The following DPEP2 variants were observed in gnomAD, a reference collection of about 807,000 sequenced individuals.
The protein encoded by DPEP2 is dipeptidase 2.
In DPEP2, 45 loss-of-function variants were observed where a neutral mutation model predicts 51.8. That is an observed-to-expected ratio of 0.87 (90% confidence interval 0.68 to 1.11). DPEP2 has a LOEUF of 1.11. DPEP2 is among the 50% of genes most tolerant of loss of function. The pLI is 0.00. For synonymous variants in DPEP2, 255 were observed against 262.7 expected, an observed-to-expected ratio of 0.97 and a Z score of 0.28; for missense variants, 604 against 631.9, an observed-to-expected ratio of 0.96 and a Z score of 0.47.
intron 1 of DPEP2, among the ~76,000 whole-genome samples, chr16:67,996,212 T>C (rs1244918251): frequency 2.6e-5 from 4 of 151,830 alleles, no homozygotes; most frequent in Middle Eastern, 3.4e-3. Flanking sequence ...ATTTTTTTTT[T>C]TTTTTTTAGA....
chr16:68,000,102 C>T (rs889185214), upstream of DPEP2, among the ~76,000 whole-genome samples: 3 of 152,118 alleles, frequency 2.0e-5, no homozygotes, highest in South Asian at 2.1e-4. Context: ...GATGCTACGT[C>T]CCCCCATAGA....
At chr16:67,989,222 G>A (rs918912911) in intron 9 of DPEP2, 101 bp downstream of exon 9, 28 of 1,269,240 alleles carry the variant, frequency 2.2e-5, no homozygotes, top group African/African-American at 7.4e-5. Flanking sequence ...AACTGATCCC[G>A]GGAGTGTGGT....
In DPEP2 at chr16:67,987,851, C is replaced by T. The variant is rs1317700310; in HGVS notation, c.1206+1G>A. ...CTACTCTCTTGCCCAGCCCAGAGTA[C>T]CTTTTCCACTTGTCTGAAGACCCGC... is the stretch of plus-strand genomic sequence containing the variant. On this transcript the variant is annotated splice_donor_variant, in intron 10 of 10. Coordinates refer to ENST00000393847, the MANE Select transcript of DPEP2 (RefSeq NM_022355.4). LOFTEE classifies it high-confidence loss of function. The T allele has an allele frequency of 6.2e-7, 1 of 1,614,216 alleles. No homozygotes were observed. Among genetic ancestry groups the T allele is most frequent in the Non-Finnish European group, 8.5e-7 (1 of 1,180,030 alleles).
chr16:67,994,942 C>G lies in DPEP2; in HGVS notation c.-45-1685G>C, dbSNP rs2032595032. 3 of 973,446 alleles carry G rather than the reference C, an allele frequency of 3.1e-6. No homozygotes were observed. In the South Asian group the frequency reaches 1.4e-4, roughly 46 times the overall value. The allele number at this position is 973,446 out of a possible 1,614,324, so 60.3% of individuals were successfully genotyped here. On this transcript the variant is annotated intron_variant, in intron 1 of 10. Coordinates refer to ENST00000393847, the MANE Select transcript of DPEP2 (RefSeq NM_022355.4). ...TTGAGACAGAGTCTCACTTTGTTGCCCAGGCTAGAGGGTAGTGGCACAATC... is the reference window on the plus strand; with the variant it reads ...TTGAGACAGAGTCTCACTTTGTTGCGCAGGCTAGAGGGTAGTGGCACAATC...
At position 67,987,883 on chromosome 16, in the gene DPEP2, T is replaced by A. The variant is rs936751524; in HGVS notation, c.1175A>T (p.Asn392Ile). The A allele has an allele frequency of 3.1e-6, 5 of 1,614,096 alleles. No individual in the cohort carries two copies. Among genetic ancestry groups the A allele is most frequent in the Non-Finnish European group, 4.2e-6 (5 of 1,180,024 alleles). ...EEELQGVLRG[N>I]LLRVFRQVEK... ...CACTTGTCTGAAGACCCGCAGCAGG[T>A]TTCCACGAAGGACACCCTGAAGCTC... Residue 392 changes from asparagine to isoleucine, a missense_variant, in exon 10 of 11, where the codon AAC becomes ATC. Transcript: ENST00000393847.
intron 8 of DPEP2, 39 bp from the exon 9 acceptor site, chr16:67,989,437 T>C (rs769700736): frequency 1.2e-5 from 19 of 1,609,524 alleles, no homozygotes; most frequent in Non-Finnish European, 1.5e-5. Context: ...TGCGTAGGGC[T>C]TCCAGGGCAG....
chr16:67,991,893 A>G lies in DPEP2; in HGVS notation c.607T>C (p.Phe203Leu). ...LDNSLSILRT[F>L]YMLGVRYLTL... ...AGGTAGCGCACTCCCAGCATGTAGAAGGTACGTAAGATGGAGAGGCTATTG... is the reference window on the plus strand; with the variant it reads ...AGGTAGCGCACTCCCAGCATGTAGAGGGTACGTAAGATGGAGAGGCTATTG... Residue 203 changes from phenylalanine (F) to leucine (L), a missense_variant, in exon 5 of 11, where the codon TTC becomes CTC. Transcript: ENST00000393847. The surrounding 1 kb of genome is among the most constrained non-coding windows in gnomAD (Gnocchi z 5.1). 1.2e-6 allele frequency: 2 copies of G among 1,614,138 alleles called. No individual in the cohort carries two copies. The highest frequency in any genetic ancestry group is 1.7e-6 in the Non-Finnish European group (2 of 1,180,016).
At chr16:67,994,845 C>G (rs933585011) in intron 1 of DPEP2, 1 of 985,422 alleles carries the variant, frequency 1.0e-6, no homozygotes, top group Non-Finnish European at 1.2e-6. Context: ...GAAGGCAGAT[C>G]GATGGCCGAG....
intron 1 of DPEP2, among the ~76,000 whole-genome samples, chr16:67,998,638 T>A (rs970303003): frequency 1.3e-5 from 2 of 152,236 alleles, no homozygotes; most frequent in Non-Finnish European, 2.9e-5. Context: ...TCCACCTGCA[T>A]CCCTGGTGCG....
rs1168742366 is a variant in DPEP2, at chr16:67,987,475, A to T, written c.*31T>A. 2 of 1,589,806 alleles carry T rather than the reference A, an allele frequency of 1.3e-6. No individual in the cohort carries two copies. The highest frequency in any genetic ancestry group is 2.7e-5 in the African/African-American group (2 of 74,506). On this transcript the variant is annotated 3_prime_UTR_variant, in exon 11 of 11. Transcript: ENST00000393847. ...CTTTGTGGGGTGTCTGTGGCTTGCT[A>T]CAGTGACATCTGGCAGGACTAACTG...
chr16:67,997,758 G>A (rs971604761), intron 1 of DPEP2, among the ~76,000 whole-genome samples: 1 of 152,228 alleles, frequency 6.6e-6, no homozygotes, highest in Non-Finnish European at 1.5e-5. Flanking sequence ...CTGTAAGGGG[G>A]AGAAGCAGTG....
chr16:68,000,100 G>A (rs1438100313), upstream of DPEP2, among the ~76,000 whole-genome samples: 1 of 152,102 alleles, frequency 6.6e-6, no homozygotes, highest in Non-Finnish European at 1.5e-5. Flanking sequence ...GTGATGCTAC[G>A]TCCCCCCATA....
intron 9 of DPEP2, 48 bp downstream of exon 9, chr16:67,989,275 C>T (rs1455954933): frequency 1.2e-5 from 19 of 1,603,814 alleles, no homozygotes; most frequent in Non-Finnish European, 1.5e-5. Context: ...CGTGAAGGCC[C>T]CACTGCTGTA....
chr16:67,991,718 C>T lies in DPEP2; in HGVS notation c.662+120G>A, dbSNP rs2032177716. On this transcript the variant is annotated intron_variant, in intron 5 of 10. Transcript: ENST00000393847. This position sits in a 1 kb window ranked among gnomAD's most constrained non-coding sequence, Gnocchi z 5.1. ...TTCTGAAAACCAGAATCCCAGCTCC[C>T]CTCCCCACTCCAGAGTCAGTGCCAC... is the stretch of plus-strand genomic sequence containing the variant. 1 of 1,414,476 alleles carries T rather than the reference C, an allele frequency of 7.1e-7. No homozygotes were observed. The highest frequency in any genetic ancestry group is 9.5e-7 in the Non-Finnish European group (1 of 1,055,426). The allele number at this position is 1,414,476 out of a possible 1,614,324, so 87.6% of individuals were successfully genotyped here. A position where few individuals can be genotyped will look rare whatever the true frequency, so the allele number is the denominator to read the frequency against.
At position 67,987,590 on chromosome 16, in the gene DPEP2, C is replaced by T; in HGVS notation, c.1377G>A (p.Lys459=). The change falls in exon 11 of 11, where the codon AAG becomes AAA. Residue 459 remains lysine (K), a synonymous_variant. Transcript: ENST00000393847. ...GGGGGGAGGACTCTGAGACTGACCA[C>T]TTGGCTGGTAACTTGGCTGTCCAGT... is the stretch of plus-strand genomic sequence containing the variant. ...PIHWTAKLPA[K]WSVSESSPHM... 6.2e-7 allele frequency: 1 copy of T among 1,614,174 alleles called. No individual in the cohort carries two copies. The highest frequency in any genetic ancestry group is 2.2e-5 in the East Asian group (1 of 44,880).
chr16:67,994,366 C>G, intron 1 of DPEP2: 1 of 985,046 alleles, frequency 1.0e-6, no homozygotes, highest in Non-Finnish European at 1.2e-6. Flanking sequence ...GACGACAGGC[C>G]CCACCCCATT....
chr16:67,993,630 C>T, intron 1 of DPEP2: 1 of 992,540 alleles, frequency 1.0e-6, no homozygotes, highest in South Asian at 4.6e-5. Flanking sequence ...AACAGTGGCC[C>T]TCTGCCCTGC....
upstream of DPEP2, chr16:68,000,542 C>T: frequency 2.1e-6 from 2 of 955,552 alleles, no homozygotes; most frequent in Non-Finnish European, 2.5e-6. Flanking sequence ...CCTGGATCTG[C>T]TCCCATGATG....
At chr16:67,995,704 C>T (rs927351974) in intron 1 of DPEP2, among the ~76,000 whole-genome samples, 1 of 152,110 alleles carries the variant, frequency 6.6e-6, no homozygotes, top group African/African-American at 2.4e-5. Context: ...TGACTCACAC[C>T]CGTGATCCCA....
Sources: gnomAD v4.1 joint callset for allele counts (sites outside exome capture counted in the v4.1 genomes callset) on GRCh38, gnomAD v4.1.1 for gene constraint, Gnocchi (gnomAD v3.1) non-coding constraint, MANE v1.5 for transcripts, NCBI Gene and HGNC (gene_info 2026-07-23, HGNC 2026-07-21) for gene names.